Variants in CTH observed in about 807,000 individuals in gnomAD.
The protein encoded by CTH is cystathionine gamma-lyase.
Under a neutral mutation model 50.6 loss-of-function variants are expected in CTH, and 41 were observed. The ratio of observed to expected loss-of-function variants is 0.81; its 90% CI spans 0.63 to 1.05. CTH has a LOEUF of 1.05. CTH is among the 50% of genes least tolerant of loss of function. The pLI, the probability that CTH is intolerant of heterozygous loss-of-function variation, is 0.00. For missense variants in CTH, 470 were observed against 492.6 expected (o/e 0.95, Z 0.43); for synonymous variants, 156 against 168.9 (o/e 0.92, Z 0.59).
At position 70,438,703 on chromosome 1, in the gene CTH, T is replaced by C. The variant is rs1241648984; in HGVS notation, c.1068T>C (p.His356=). The C allele has an allele frequency of 6.2e-7, 1 of 1,613,998 alleles. No individual in the cohort carries two copies. The highest frequency in any genetic ancestry group is 1.3e-5 in the African/African-American group (1 of 74,916). Residue 356 remains histidine (H), a synonymous_variant, in exon 11 of 12, where the codon CAT becomes CAC. Coordinates refer to ENST00000370938, the MANE Select transcript of CTH (RefSeq NM_001902.6). ...SLAELPAIMT[H]ASVLKNDRDV... ...CTTCTTTCAGGGCAATCATGACTCA[T>C]GCATCAGTTCTTAAGAATGACAGAG... is the stretch of plus-strand genomic sequence containing the variant.
chr1:70,411,705 T>C, intron 1 of CTH, 122 bp downstream of exon 1: 1 of 1,459,176 alleles, frequency 6.9e-7, no homozygotes, highest in East Asian at 2.5e-5. Context: ...AACCGAAAGA[T>C]GTTTCTACAC....
In CTH at chr1:70,432,093, A is replaced by G. The variant is rs780778307; in HGVS notation, c.735A>G (p.Ala245=). 1.9e-6 allele frequency: 3 copies of G among 1,614,110 alleles called. No individual in the cohort carries two copies. Among genetic ancestry groups the G allele is most frequent in the Non-Finnish European group, 2.5e-6 (3 of 1,180,010 alleles). Residue 245 remains alanine (A), a synonymous_variant, in exon 8 of 12, where the codon GCA becomes GCG. Transcript: ENST00000370938. The part of the protein sequence containing the change: ...RLRFLQNSLG[A]VPSPIDCYLC... ...GTGTTCATTTTGCAGCTCTTGGAGC[A>G]GTTCCATCTCCTATTGATTGTTACC...
intron 1 of CTH, among the ~76,000 whole-genome samples, chr1:70,411,963 G>A (rs924749381): frequency 6.6e-6 from 1 of 152,200 alleles, no homozygotes; most frequent in African/African-American, 2.4e-5. Context: ...AACTTGACTA[G>A]AATTAAGATT....
intron 5 of CTH, among the ~76,000 whole-genome samples, chr1:70,428,653 A>G (rs1383243315): frequency 6.6e-6 from 1 of 151,996 alleles, no homozygotes; most frequent in Non-Finnish European, 1.5e-5. Flanking sequence ...TCTGTCACCC[A>G]GGCTGGAGTG....
In CTH at chr1:70,438,224, C is replaced by T. The variant is rs574612076; in HGVS notation, c.1053-464C>T. On this transcript the variant is annotated intron_variant, in intron 10 of 11. Coordinates refer to ENST00000370938, the MANE Select transcript of CTH (RefSeq NM_001902.6). ...CTAGTGATTCTTGGTCATCTTTCTC[C>T]GATGTGCCTCAGAAGGTCTAGCTCT... Among the ~76,000 whole-genome samples, 25 of 152,238 alleles carry T rather than the reference C, an allele frequency of 1.6e-4. No individual in the cohort carries two copies. In the East Asian group the frequency reaches 3.9e-3, roughly 24 times the overall value.
At chr1:70,425,808 ACT>A (rs2101744632) in intron 5 of CTH, among the ~76,000 whole-genome samples, 1 of 152,098 alleles carries the variant, frequency 6.6e-6, no homozygotes, top group East Asian at 1.9e-4. Flanking sequence ...AGGGGAGATG[ACT>A]CTAAACCATT....
At chr1:70,438,532 C>T (rs551994070) in intron 10 of CTH, among the ~76,000 whole-genome samples, 156 bp from the exon 11 acceptor site, 15 of 152,212 alleles carry the variant, frequency 9.9e-5, no homozygotes, top group Admixed American at 2.6e-4. Context: ...AGATAAGTTT[C>T]GTAATTTTCT....
chr1:70,431,741 A>G lies in CTH; in HGVS notation c.725-342A>G, dbSNP rs368171067. On this transcript the variant is annotated intron_variant, in intron 7 of 11. Transcript: ENST00000370938. Reference sequence around the variant, plus strand: ...AACTGCTGTTTTTCTCTGTATGTTAAAATAATTTTTCAAAGAAATACAAGG... The same window carrying G: ...AACTGCTGTTTTTCTCTGTATGTTAGAATAATTTTTCAAAGAAATACAAGG... 9.8e-5 allele frequency among the ~76,000 whole-genome samples: 15 copies of G among 152,320 alleles called. No individual in the cohort carries two copies. The East Asian group carries it at 1.2e-3, about 12-fold the overall frequency.
At chr1:70,430,854 TTC>T (rs1684457664) in intron 7 of CTH, 1 of 151,788 alleles carries the variant, frequency 6.6e-6, no homozygotes, top group Admixed American at 6.6e-5. Flanking sequence ...AAAAAATTTT[TTC>T]TGATTTTAGA....
At position 70,412,986 on chromosome 1, in the gene CTH, T is replaced by G. The variant is rs1447942785; in HGVS notation, c.168+1403T>G. Among the ~76,000 whole-genome samples the G allele has an allele frequency of 2.6e-5, 4 of 152,238 alleles. No homozygotes were observed. In the South Asian group the frequency reaches 6.2e-4, roughly 24 times the overall value. ...GAAGGAGCCCTCTTTGTTAATCACATAGCTTTTTTCCCCCTTTTGGTGGCA... is the reference window on the plus strand; with the variant it reads ...GAAGGAGCCCTCTTTGTTAATCACAGAGCTTTTTTCCCCCTTTTGGTGGCA... On this transcript the variant is annotated intron_variant, in intron 1 of 11. Coordinates refer to ENST00000370938, the MANE Select transcript of CTH (RefSeq NM_001902.6).
At chr1:70,420,971 T>C (rs1684207524) in intron 3 of CTH, among the ~76,000 whole-genome samples, 1 of 152,120 alleles carries the variant, frequency 6.6e-6, no homozygotes, top group Non-Finnish European at 1.5e-5. Flanking sequence ...AATATCAATT[T>C]TTTCTTTAAG....
chr1:70,431,828 T>A (rs191781362), intron 7 of CTH, among the ~76,000 whole-genome samples: 1 of 152,240 alleles, frequency 6.6e-6, no homozygotes, highest in Admixed American at 6.5e-5. Flanking sequence ...ATCTTCATAT[T>A]TGAGAAGTTT....
At chr1:70,437,573 T>C (rs1030856745) in intron 10 of CTH, among the ~76,000 whole-genome samples, 2 of 152,192 alleles carry the variant, frequency 1.3e-5, no homozygotes, top group Non-Finnish European at 2.9e-5. Context: ...CTAAGATTCA[T>C]ACCCAAGTTT....
intron 10 of CTH, among the ~76,000 whole-genome samples, chr1:70,436,321 C>CT (rs1440937680): frequency 6.6e-6 from 1 of 152,004 alleles, no homozygotes; most frequent in Non-Finnish European, 1.5e-5. Flanking sequence ...CAGCGAGACT[C>CT]TGTCTCAAAA....
intron 9 of CTH, 108 bp downstream of exon 9, chr1:70,434,057 A>C: frequency 6.5e-7 from 1 of 1,549,058 alleles, no homozygotes; most frequent in East Asian, 2.4e-5. Context: ...TGCAGGTTAC[A>C]CTCATAAACC....
chr1:70,436,080 C>T (rs1457639698), intron 10 of CTH, among the ~76,000 whole-genome samples: 3 of 151,824 alleles, frequency 2.0e-5, no homozygotes, highest in African/African-American at 4.8e-5. Context: ...TTTGGGAGGC[C>T]GAGGTGGGCC....
chr1:70,428,598 ATATT>A (rs59410935), intron 5 of CTH, among the ~76,000 whole-genome samples: 149,249 of 150,244 alleles, frequency 0.99, 74,133 homozygotes, highest in East Asian at 1. Flanking sequence ...AGTTTCAGAC[ATATT>A]TATTTATTTA....
At chr1:70,413,234 G>A (rs1005265250) in intron 1 of CTH, among the ~76,000 whole-genome samples, 1 of 150,630 alleles carries the variant, frequency 6.6e-6, no homozygotes, top group Non-Finnish European at 1.5e-5. Flanking sequence ...ATCAAAATAT[G>A]TACACAGCCT....
chr1:70,432,849 A>AT (rs533337062), intron 8 of CTH, among the ~76,000 whole-genome samples: 251 of 151,704 alleles, frequency 1.7e-3, no homozygotes, highest in Non-Finnish European at 1.6e-3. Context: ...ACGCCCAGCT[A>AT]TTTTTTGTAT....
Sources: allele counts gnomAD v4.1 joint callset (sites outside exome capture counted in the v4.1 genomes callset), GRCh38; gene constraint gnomAD v4.1.1; transcripts MANE v1.5; gene names NCBI Gene and HGNC (gene_info 2026-07-23, HGNC 2026-07-21).